Variants in SRRM2 observed in about 807,000 individuals in gnomAD.
The protein encoded by SRRM2 is serine/arginine repetitive matrix protein 2.
In SRRM2, 30 loss-of-function variants were observed where a neutral mutation model predicts 213.8. The ratio of observed to expected loss-of-function variants is 0.14; its 90% CI spans 0.10 to 0.19. The LOEUF (loss-of-function observed/expected upper bound fraction) is 0.19. Among genes scored for constraint, SRRM2 ranks in the 10% least tolerant of loss-of-function variants. The pLI, the probability that SRRM2 is intolerant of heterozygous loss-of-function variation, is 1.00. For missense variants in SRRM2, 4,904 were observed against 3,647.0 expected (o/e 1.34, Z -8.88); for synonymous variants, 2,025 against 1,377.7 (o/e 1.47, Z -10.40).
intron 7 of SRRM2, 75 bp downstream of exon 7, chr16:2,759,247 A>C (rs2068254506): frequency 1.9e-6 from 3 of 1,605,456 alleles, no homozygotes; most frequent in East Asian, 2.2e-5. Flanking sequence ...GTGAAGCTCA[A>C]TTCCTTGATC....
chr16:2,756,628 G>A, intron 2 of SRRM2, 22 bp downstream of exon 2: 1 of 1,600,634 alleles, frequency 6.2e-7, no homozygotes, highest in East Asian at 2.2e-5. Flanking sequence ...CTGGGGGAGA[G>A]TCAAGCACTG....
intron 7 of SRRM2, 83 bp downstream of exon 7, chr16:2,759,255 A>G: frequency 6.2e-7 from 1 of 1,604,294 alleles, no homozygotes; most frequent in Non-Finnish European, 8.5e-7. Context: ...CAATTCCTTG[A>G]TCTTCCTTGT....
Position 2,757,498 on chromosome 16 carries a change from A to G in SRRM2, c.269A>G (p.Lys90Arg), listed in dbSNP as rs1268880731. Residue 90 changes from lysine (K) to arginine (R), a missense_variant, in exon 3 of 15, where the codon AAA becomes AGA. By Grantham distance (26) the Lys-to-Arg change is conservative. Coordinates refer to ENST00000301740, the MANE Select transcript of SRRM2 (RefSeq NM_016333.4). ...QGYEEQQIQE[K>R]VATFRLMLLE... Reference sequence around the variant, plus strand: ...TACGAGGAACAGCAAATTCAGGAAAAAGTGGCGACCTTTCGACTCATGTTG... The same window carrying G: ...TACGAGGAACAGCAAATTCAGGAAAGAGTGGCGACCTTTCGACTCATGTTG... 5.6e-6 allele frequency: 9 copies of G among 1,613,866 alleles called. No homozygotes were observed. The highest frequency in any genetic ancestry group is 6.8e-6 in the Non-Finnish European group (8 of 1,179,976).
At position 2,770,693 on chromosome 16, in the gene SRRM2, G is replaced by A. The variant is rs768373304; in HGVS notation, c.8225G>A (p.Arg2742Gln). The change falls in exon 14 of 15, where the codon CGG (arginine) becomes CAG (glutamine). Residue 2742 changes from arginine (R) to glutamine (Q), a missense_variant. Arg to Gln is a conservative substitution (Grantham distance 43, BLOSUM62 1). Coordinates refer to ENST00000301740, the MANE Select transcript of SRRM2 (RefSeq NM_016333.4). ...CGCAGGAGGGAGACACCTAGCCCTC[G>A]GCCCATGAGACACCGCTCCTCCAGG... is the stretch of plus-strand genomic sequence containing the variant. ...HKRRRETPSP[R>Q]PMRHRSSRSP is the part of the protein sequence containing the mutation. The A allele has an allele frequency of 7.1e-6, 11 of 1,557,968 alleles. No homozygotes were observed. The highest frequency in any genetic ancestry group is 2.4e-5 in the East Asian group (1 of 41,596).
Position 2,763,496 on chromosome 16 carries a change from T to C in SRRM2, c.2968T>C (p.Ser990Pro). 1 of 1,614,112 alleles carries C rather than the reference T, an allele frequency of 6.2e-7. No individual in the cohort carries two copies. The highest frequency in any genetic ancestry group is 8.5e-7 in the Non-Finnish European group (1 of 1,180,012). The change falls in exon 11 of 15, where the codon TCA (serine) becomes CCA (proline). Residue 990 changes from serine to proline, a missense_variant. Physicochemically the swap from Ser to Pro is moderately conservative, Grantham distance 74. Transcript: ENST00000301740. ...TGAAACACCGCCAAGACAAAGTCAC[T>C]CAGGGTCTATTTCACCATACCCCAA... ...KPETPPRQSH[S>P]GSISPYPKVK...
chr16:2,763,899 G>A lies in SRRM2; in HGVS notation c.3371G>A (p.Ser1124Asn). 1 of 1,614,214 alleles carries A rather than the reference G, an allele frequency of 6.2e-7. No individual in the cohort carries two copies. Among genetic ancestry groups the A allele is most frequent in the Non-Finnish European group, 8.5e-7 (1 of 1,180,040 alleles). Reference protein sequence around the residue: ...IRQDRGEFSASPMLKSGMSPE... With the variant: ...IRQDRGEFSANPMLKSGMSPE... The stretch of plus-strand genomic sequence containing the variant: ...CAAGATAGAGGTGAGTTCTCAGCGA[G>A]TCCTATGTTGAAATCTGGAATGTCT... Residue 1124 changes from serine to asparagine, a missense_variant, in exon 11 of 15, where the codon AGT becomes AAT. Ser to Asn is a conservative substitution (Grantham distance 46). Coordinates refer to ENST00000301740, the MANE Select transcript of SRRM2 (RefSeq NM_016333.4).
In SRRM2 at chr16:2,756,506, G is replaced by T. The variant is rs1332757769; in HGVS notation, c.142G>T (p.Ala48Ser). Reference sequence around the variant, plus strand: ...GGAGGAACTGCGGCGCCTGGAGGCTGCCCTGGTGAAGCGGCCTAATCCTGA... The same window carrying T: ...GGAGGAACTGCGGCGCCTGGAGGCTTCCCTGGTGAAGCGGCCTAATCCTGA... The part of the protein sequence containing the change: ...GEEELRRLEA[A>S]LVKRPNPDIL... The change falls in exon 2 of 15, where the codon GCC (alanine) becomes TCC (serine). Residue 48 changes from alanine (A) to serine (S), a missense_variant. Ala to Ser is a moderately conservative substitution (Grantham distance 99). Transcript: ENST00000301740. 6.2e-7 allele frequency: 1 copy of T among 1,614,090 alleles called. No individual in the cohort carries two copies. Among genetic ancestry groups the T allele is most frequent in the South Asian group, 1.1e-5 (1 of 91,090 alleles).
At chr16:2,758,333 T>C (rs1181382448) in intron 4 of SRRM2, 137 bp from the exon 5 acceptor site, 7 of 805,276 alleles carry the variant, frequency 8.7e-6, no homozygotes, top group Non-Finnish European at 1.4e-5. Flanking sequence ...TTGCTGCCAC[T>C]GCACCCCACC....
Position 2,763,985 on chromosome 16 carries a change from C to T in SRRM2, c.3457C>T (p.Leu1153Phe). 2.5e-6 allele frequency: 4 copies of T among 1,614,204 alleles called. No homozygotes were observed. The highest frequency in any genetic ancestry group is 3.4e-6 in the Non-Finnish European group (4 of 1,180,046). The stretch of plus-strand genomic sequence containing the variant: ...ATATCCTACAGTGGACTCGAATTCT[C>T]TCTTGGGGCAGAGTAGATTGGAGAC... ...SSYPTVDSNS[L>F]LGQSRLETAE... is the part of the protein sequence containing the mutation. The change falls in exon 11 of 15, where the codon CTC (leucine) becomes TTC (phenylalanine). Residue 1153 changes from leucine to phenylalanine, a missense_variant. By Grantham distance (22) the Leu-to-Phe change is conservative. Coordinates refer to ENST00000301740, the MANE Select transcript of SRRM2 (RefSeq NM_016333.4).
rs2068725134 is a variant in SRRM2 at position 2,770,953 on chromosome 16, C to T, written c.*86C>T. 2 of 1,553,740 alleles carry T rather than the reference C, an allele frequency of 1.3e-6. No homozygotes were observed. The highest frequency in any genetic ancestry group is 8.8e-7 in the Non-Finnish European group (1 of 1,133,220). On this transcript the variant is annotated 3_prime_UTR_variant, in exon 15 of 15. Coordinates refer to ENST00000301740, the MANE Select transcript of SRRM2 (RefSeq NM_016333.4). ...TCCCCAGCAGAGCCGTGGGAGGGTCCTTGTCTGCTCTCCTTTGAACCTTGG... is the reference window on the plus strand; with the variant it reads ...TCCCCAGCAGAGCCGTGGGAGGGTCTTTGTCTGCTCTCCTTTGAACCTTGG...
Position 2,759,348 on chromosome 16 carries a change from C to A in SRRM2, c.690-4C>A. 6.2e-7 allele frequency: 1 copy of A among 1,604,296 alleles called. No individual in the cohort carries two copies. Among genetic ancestry groups the A allele is most frequent in the Non-Finnish European group, 8.5e-7 (1 of 1,177,490 alleles). On this transcript the variant is annotated splice_region_variant and splice_polypyrimidine_tract_variant and intron_variant, in intron 7 of 14. Coordinates refer to ENST00000301740, the MANE Select transcript of SRRM2 (RefSeq NM_016333.4). ...ACTTTTAACAACCTTTCCTTATTTC[C>A]CAGGTCTCCCACTCCAAAGAGCAAA...
At position 2,765,631 on chromosome 16, in the gene SRRM2, C is replaced by T. The variant is rs1191636422; in HGVS notation, c.5103C>T (p.Ala1701=). The T allele has an allele frequency of 1.9e-6, 3 of 1,614,044 alleles. No homozygotes were observed. The highest frequency in any genetic ancestry group is 2.5e-6 in the Non-Finnish European group (3 of 1,180,032). The change falls in exon 11 of 15, where the codon GCC becomes GCT. Residue 1701 remains alanine, a synonymous_variant. Coordinates refer to ENST00000301740, the MANE Select transcript of SRRM2 (RefSeq NM_016333.4). ...SRSSPELTRK[A]RLSRRSRSAS... The stretch of plus-strand genomic sequence containing the variant: ...CATCTCCGGAGCTAACAAGGAAGGC[C>T]AGACTGTCCCGTAGAAGCCGCTCTG...
At position 2,761,608 on chromosome 16, in the gene SRRM2, C is replaced by T. The variant is rs746124561; in HGVS notation, c.1080C>T (p.Gly360=). Residue 360 remains glycine (G), a synonymous_variant, in exon 11 of 15, where the codon GGC becomes GGT. Transcript: ENST00000301740. ...CCTCTCCGGAAAGGAGCAGCACAGG[C>T]CCAGAACCACCTGCTCCCACTCCGC... ...PSPSPERSST[G]PEPPAPTPLL... is the part of the protein sequence containing the mutation. The T allele has an allele frequency of 1.5e-5, 23 of 1,548,042 alleles. No homozygotes were observed. The South Asian group carries it at 2.4e-4, about 16-fold the overall frequency.
At chr16:2,770,160 ACCCTGTGCCTG>A in intron 12 of SRRM2, 181 bp from the exon 13 acceptor site, 1 of 1,438,622 alleles carries the variant, frequency 7.0e-7, no homozygotes, top group Non-Finnish European at 9.1e-7. Context: ...CCCCCGCTGC[ACCCTGTGCCTG>A]CCCACTGGGC....
Position 2,765,202 on chromosome 16 carries a change from G to A in SRRM2, c.4674G>A (p.Glu1558=). ...KPSASPQERS[E]SDSSPDSKAK... is the part of the protein sequence containing the mutation. ...GTGCATCCCCTCAGGAAAGAAGTGA[G>A]TCAGACTCTTCTCCAGATTCTAAAG... Residue 1558 remains glutamate (E), a synonymous_variant, in exon 11 of 15, where the codon GAG becomes GAA. Coordinates refer to ENST00000301740, the MANE Select transcript of SRRM2 (RefSeq NM_016333.4). 6.2e-7 allele frequency: 1 copy of A among 1,614,168 alleles called. No individual in the cohort carries two copies. Among genetic ancestry groups the A allele is most frequent in the South Asian group, 1.1e-5 (1 of 91,084 alleles).
intron 1 of SRRM2, among the ~76,000 whole-genome samples, chr16:2,755,498 T>C (rs947442348): frequency 2.6e-5 from 4 of 152,082 alleles, no homozygotes; most frequent in East Asian, 1.9e-4. Context: ...TAGAGCAGAG[T>C]TGAAAACAGG....
At chr16:2,768,837 G>T (rs970669407) in intron 11 of SRRM2, 160 bp from the exon 12 acceptor site, 1 of 1,452,842 alleles carries the variant, frequency 6.9e-7, no homozygotes, top group Non-Finnish European at 9.4e-7. Context: ...GGGTCAGCTC[G>T]CACCACTGCT....
At position 2,767,662 on chromosome 16, in the gene SRRM2, A is replaced by G; in HGVS notation, c.7134A>G (p.Ala2378=). 4 of 1,614,028 alleles carry G rather than the reference A, an allele frequency of 2.5e-6. No homozygotes were observed. Among genetic ancestry groups the G allele is most frequent in the Non-Finnish European group, 3.4e-6 (4 of 1,180,012 alleles). The change falls in exon 11 of 15, where the codon GCA becomes GCG. Residue 2378 remains alanine, a synonymous_variant. Transcript: ENST00000301740. ...SARMAPALSG[A]NLTSPRVPLS... is the part of the protein sequence containing the mutation. The stretch of plus-strand genomic sequence containing the variant: ...GGATGGCTCCAGCATTGTCTGGTGC[A>G]AACCTCACCAGCCCCAGGGTGCCCC...
At position 2,763,366 on chromosome 16, in the gene SRRM2, T is replaced by A. The variant is rs528356851; in HGVS notation, c.2838T>A (p.Thr946=). The change falls in exon 11 of 15, where the codon ACT becomes ACA. Residue 946 remains threonine, a synonymous_variant. Transcript: ENST00000301740. The stretch of plus-strand genomic sequence containing the variant: ...CTAGTAGGGTGACGTCGAGAACAAC[T>A]CCACGGCGAAGCAGATCAGTATCTC... The part of the protein sequence containing the change: ...PSPSRVTSRT[T]PRRSRSVSPC... 10 of 1,614,034 alleles carry A rather than the reference T, an allele frequency of 6.2e-6. No homozygotes were observed. In the East Asian group the frequency reaches 6.7e-5, roughly 11 times the overall value.
Sources: gnomAD v4.1 joint callset for allele counts (sites outside exome capture counted in the v4.1 genomes callset) on GRCh38, gnomAD v4.1.1 for gene constraint, MANE v1.5 for transcripts, NCBI Gene and HGNC (gene_info 2026-07-23, HGNC 2026-07-21) for gene names.